NPR3: variants seen among roughly 807,000 people sequenced by gnomAD.
The protein encoded by NPR3 is natriuretic peptide receptor 3, also known as atrial natriuretic peptide receptor 3.
Under a neutral mutation model 54.5 loss-of-function variants are expected in NPR3, and 34 were observed. The observed-to-expected ratio is 0.62, with a 90% confidence interval of 0.47 to 0.83. The LOEUF is 0.83. Among genes scored for constraint, NPR3 ranks in the 40% least tolerant of loss-of-function variants. The probability of loss-of-function intolerance (pLI) is 0.00; values close to 1 mark genes in which losing one functional copy is unlikely to be tolerated. For synonymous variants in NPR3, 289 were observed against 297.1 expected, an observed-to-expected ratio of 0.97 and a Z score of 0.28; for missense variants, 674 against 720.8, an observed-to-expected ratio of 0.94 and a Z score of 0.74.
chr5:32,714,711 G>C (rs930995870), intron 1 of NPR3, among the ~76,000 whole-genome samples: 2 of 152,092 alleles, frequency 1.3e-5, no homozygotes, highest in African/African-American at 4.8e-5. Flanking sequence ...CTTCCACCCC[G>C]AAATTCCTTA....
At chr5:32,754,248 C>T (rs1373176847) in intron 3 of NPR3, among the ~76,000 whole-genome samples, 1 of 152,114 alleles carries the variant, frequency 6.6e-6, no homozygotes, top group East Asian at 1.9e-4. Flanking sequence ...AATCGATGAC[C>T]CAAGGGCATG....
chr5:32,724,581 G>C, intron 1 of NPR3, 117 bp from the exon 2 acceptor site: 1 of 1,169,566 alleles, frequency 8.6e-7, no homozygotes, highest in Non-Finnish European at 1.2e-6. Context: ...ATTGTGAGGA[G>C]ATACTTCAGG....
intron 1 of NPR3, chr5:32,716,500 C>A: frequency 4.5e-6 from 2 of 442,270 alleles, no homozygotes; most frequent in Non-Finnish European, 9.0e-6. Flanking sequence ...TATGGTTGTG[C>A]CAAAATTTTT....
intron 1 of NPR3, chr5:32,713,586 C>G (rs1460098492): frequency 1.7e-6 from 1 of 603,720 alleles, no homozygotes; most frequent in Non-Finnish European, 2.1e-6. Context: ...GTGGTGCAAT[C>G]CCGGCAAAGC....
intron 1 of NPR3, among the ~76,000 whole-genome samples, chr5:32,721,499 C>G (rs375990364): frequency 1.3e-5 from 2 of 152,042 alleles, no homozygotes; most frequent in Admixed American, 6.6e-5. Context: ...GAAAATTAGC[C>G]GGGTGTGGTA....
At chr5:32,693,954 C>A (rs779127312) in intron 1 of NPR3, among the ~76,000 whole-genome samples, 1 of 152,210 alleles carries the variant, frequency 6.6e-6, no homozygotes, top group Non-Finnish European at 1.5e-5. Context: ...CAAAGTCCTG[C>A]CCCTTGCATA....
chr5:32,740,378 C>T (rs1041112691), intron 3 of NPR3, among the ~76,000 whole-genome samples: 1 of 152,112 alleles, frequency 6.6e-6, no homozygotes, highest in Admixed American at 6.5e-5. Context: ...TCTTTTGTAC[C>T]ATTGTTGCAA....
intron 3 of NPR3, among the ~76,000 whole-genome samples, chr5:32,742,898 G>A (rs1043039603): frequency 3.9e-5 from 6 of 152,036 alleles, no homozygotes; most frequent in South Asian, 2.1e-4. Flanking sequence ...TACTTTAGGC[G>A]TTATGTATTG....
rs147614825 is a variant in NPR3 at position 32,755,150 on chromosome 5, G to A, written c.1059+16120G>A. ...GCCGGGATTACAGGCGTGAGCCACC[G>A]CGCCCGGCCAAGAGATTTAATTTCT... On this transcript the variant is annotated intron_variant, in intron 3 of 7. Transcript: ENST00000265074. Among the ~76,000 whole-genome samples, 12 of 152,320 alleles carry A rather than the reference G, an allele frequency of 7.9e-5. No individual in the cohort carries two copies. In the East Asian group the frequency reaches 1.9e-3, roughly 24 times the overall value.
intron 3 of NPR3, among the ~76,000 whole-genome samples, chr5:32,752,045 T>C (rs113682140): frequency 0.21 from 31,303 of 151,770 alleles, 3,335 homozygotes; most frequent in South Asian, 0.28. Flanking sequence ...CTACTAAAAA[T>C]ACAAAAAAGT....
rs1742921578 is a variant in NPR3, at chr5:32,791,711, C to A, written c.*5366C>A. 1 of 165,146 alleles carries A rather than the reference C, an allele frequency of 6.1e-6. No individual in the cohort carries two copies. Among genetic ancestry groups the A allele is most frequent in the African/African-American group, 2.4e-5 (1 of 41,450 alleles). 10.2% of individuals were successfully genotyped at this position (165,146 alleles called of 1,614,324 possible). ...AATGTGTTCTCATTAAAAAATACATCCCACGGAAACCTCTTCCTGTTTATA... is the reference window on the plus strand; with the variant it reads ...AATGTGTTCTCATTAAAAAATACATACCACGGAAACCTCTTCCTGTTTATA... On this transcript the variant is annotated 3_prime_UTR_variant, in exon 8 of 8. Coordinates refer to ENST00000265074, the MANE Select transcript of NPR3 (RefSeq NM_001204375.2).
At chr5:32,748,454 G>T (rs556562152) in intron 3 of NPR3, among the ~76,000 whole-genome samples, 2 of 152,290 alleles carry the variant, frequency 1.3e-5, no homozygotes, top group South Asian at 4.1e-4. Context: ...CTGTAGAGCT[G>T]GAAGGACCAA....
chr5:32,782,801 C>G, intron 5 of NPR3, 92 bp from the exon 6 acceptor site: 1 of 1,249,492 alleles, frequency 8.0e-7, no homozygotes, highest in East Asian at 2.4e-5. Context: ...TTAGATCAGG[C>G]TGTACATTTT....
chr5:32,717,363 T>C (rs567511020), intron 1 of NPR3, among the ~76,000 whole-genome samples: 35 of 152,332 alleles, frequency 2.3e-4, no homozygotes, highest in African/African-American at 8.4e-4. Context: ...TTTGGGTATA[T>C]ACCCAGTAAT....
intron 3 of NPR3, among the ~76,000 whole-genome samples, chr5:32,772,596 TG>T (rs2112043277): frequency 6.6e-6 from 1 of 152,322 alleles, no homozygotes; most frequent in Non-Finnish European, 1.5e-5. Flanking sequence ...GAGTGTAAAA[TG>T]GGCCAATAAC....
upstream of NPR3, among the ~76,000 whole-genome samples, chr5:32,706,271 C>T (rs1561070127): frequency 6.6e-6 from 1 of 152,194 alleles, no homozygotes; most frequent in Non-Finnish European, 1.5e-5. Flanking sequence ...GCTTCTTGTA[C>T]ATCCTGCAGA....
Position 32,774,745 on chromosome 5 carries a change from T to C in NPR3, c.1097T>C (p.Leu366Pro), listed in dbSNP as rs778920303. The C allele has an allele frequency of 5.7e-5, 92 of 1,609,592 alleles. No homozygotes were observed. Among genetic ancestry groups the C allele is most frequent in the Non-Finnish European group, 7.7e-5 (90 of 1,175,970 alleles). Residue 366 changes from leucine (L) to proline (P), a missense_variant, in exon 4 of 8, where the codon CTC becomes CCC. Transcript: ENST00000265074. ...MFVEGFHDAILLYVLALHEVL... is the reference protein window; with the variant it reads ...MFVEGFHDAIPLYVLALHEVL... The stretch of plus-strand genomic sequence containing the variant: ...GTTGAAGGATTCCACGATGCCATCC[T>C]CCTCTACGTCTTGGCTCTACATGAA...
intron 3 of NPR3, among the ~76,000 whole-genome samples, chr5:32,744,536 A>G (rs993555087): frequency 3.3e-5 from 5 of 152,200 alleles, no homozygotes. Context: ...CCAGGCATTC[A>G]TTGGATGGTA....
At chr5:32,733,983 G>C (rs902176623) in intron 2 of NPR3, among the ~76,000 whole-genome samples, 2 of 152,182 alleles carry the variant, frequency 1.3e-5, no homozygotes, top group East Asian at 1.9e-4. Context: ...TAATCTCCTT[G>C]AGCCTCAATT....
Sources: allele counts gnomAD v4.1 joint callset (sites outside exome capture counted in the v4.1 genomes callset), GRCh38; gene constraint gnomAD v4.1.1; transcripts MANE v1.5; gene names NCBI Gene and HGNC (gene_info 2026-07-23, HGNC 2026-07-21).